Variants in ROBO1 observed in about 807,000 individuals in gnomAD.
ROBO1 encodes roundabout guidance receptor 1.
Under a neutral mutation model 195.9 loss-of-function variants are expected in ROBO1, and 149 were observed. The ratio of observed to expected loss-of-function variants is 0.76; its 90% CI spans 0.67 to 0.87. ROBO1 has a LOEUF of 0.87. Ranked by LOEUF, ROBO1 falls within the 40% of genes least tolerant of loss-of-function variation. ROBO1 has a pLI of 0.00. For synonymous variants in ROBO1, 816 were observed against 733.2 expected (o/e 1.11, Z -1.82); for missense variants, 1,933 against 2,068.3 (o/e 0.93, Z 1.27).
chr3:79,685,522 C>T (rs1484564624), intron 1 of ROBO1, among the ~76,000 whole-genome samples: 1 of 152,164 alleles, frequency 6.6e-6, no homozygotes, highest in Non-Finnish European at 1.5e-5. Flanking sequence ...GATTATTGCA[C>T]AACGTCCTGG....
chr3:78,724,341 G>A (rs1052670048), intron 5 of ROBO1, among the ~76,000 whole-genome samples: 19 of 151,908 alleles, frequency 1.3e-4, no homozygotes, highest in Middle Eastern at 3.4e-3. Context: ...GACCCTGATC[G>A]AATATAACAT....
intron 14 of ROBO1, among the ~76,000 whole-genome samples, chr3:78,663,918 A>G (rs957999708): frequency 6.6e-6 from 1 of 152,160 alleles, no homozygotes; most frequent in African/African-American, 2.4e-5. Context: ...AGTATCTTCA[A>G]ATACAGAAAT....
chr3:79,187,955 G>A (rs907048605), intron 2 of ROBO1, among the ~76,000 whole-genome samples: 1 of 151,910 alleles, frequency 6.6e-6, no homozygotes, highest in African/African-American at 2.4e-5. Flanking sequence ...AGGCAGGTCA[G>A]GATCCTCACT....
At chr3:78,925,803 T>C (rs117537365) in intron 4 of ROBO1, among the ~76,000 whole-genome samples, 2 of 151,766 alleles carry the variant, frequency 1.3e-5, no homozygotes. Flanking sequence ...GTGGTGGGTG[T>C]GGGAGGAGTG....
At chr3:78,819,715 C>T (rs957152153) in intron 4 of ROBO1, among the ~76,000 whole-genome samples, 8 of 152,082 alleles carry the variant, frequency 5.3e-5, no homozygotes, top group African/African-American at 1.9e-4. Context: ...TAAGGCAAGG[C>T]CTTCTACCAA....
intron 2 of ROBO1, among the ~76,000 whole-genome samples, chr3:79,455,633 C>T (rs2039595347): frequency 6.6e-6 from 1 of 152,062 alleles, no homozygotes; most frequent in African/African-American, 2.4e-5. Flanking sequence ...CAGGGAAGAA[C>T]TATTTGACTC....
At chr3:79,652,889 TA>T in intron 1 of ROBO1, among the ~76,000 whole-genome samples, 1 of 152,076 alleles carries the variant, frequency 6.6e-6, no homozygotes, top group East Asian at 1.9e-4. Context: ...TTCAAATGGA[TA>T]GCCATAAATA....
chr3:79,163,141 A>G (rs1056673966), intron 2 of ROBO1, among the ~76,000 whole-genome samples: 10 of 152,090 alleles, frequency 6.6e-5, no homozygotes, highest in Admixed American at 6.6e-4. Flanking sequence ...CATCTTAAAG[A>G]CTGAAATTCT....
chr3:78,746,831 T>C lies in ROBO1; in HGVS notation c.569A>G (p.Glu190Gly). The part of the protein sequence containing the change: ...MVAVGEPAVM[E>G]CQPPRGHPEP... ...AGGATGGCCTCGTGGAGGTTGGCAT[T>C]CCATTACTGCAGGCTCTCCTACTGC... is the stretch of plus-strand genomic sequence containing the variant. The change falls in exon 5 of 31, where the codon GAA becomes GGA. Residue 190 changes from glutamate to glycine, a missense_variant. Glu to Gly is a moderately conservative substitution (Grantham distance 98). Coordinates refer to ENST00000464233, the MANE Select transcript of ROBO1 (RefSeq NM_002941.4). 3 of 1,602,958 alleles carry C rather than the reference T, an allele frequency of 1.9e-6. No individual in the cohort carries two copies. Among genetic ancestry groups the C allele is most frequent in the Non-Finnish European group, 2.6e-6 (3 of 1,172,038 alleles).
Position 79,298,800 on chromosome 3 carries a change from T to C in ROBO1, c.89-173261A>G, listed in dbSNP as rs1321310442. On this transcript the variant is annotated intron_variant, in intron 2 of 30. Transcript: ENST00000464233. ...AGAAAAATAATTTGGATTTTATTTA[T>C]ATTACTGAAGGAATTTACTAATTGA... Among the ~76,000 whole-genome samples the C allele has an allele frequency of 7.9e-5, 12 of 152,280 alleles. No homozygotes were observed. In the East Asian group the frequency reaches 2.3e-3, roughly 29 times the overall value.
rs559564064 is a variant in ROBO1 at position 79,274,775 on chromosome 3, A to C, written c.89-149236T>G. ...GAAAAAAAGGGGTAAGACCAAAGTA[A>C]GTAAAATCCGAAATGATGAAGGAAA... On this transcript the variant is annotated intron_variant, in intron 2 of 30. Transcript: ENST00000464233. 5.3e-5 allele frequency among the ~76,000 whole-genome samples: 8 copies of C among 152,198 alleles called. No homozygotes were observed. The South Asian group carries it at 1.7e-3, about 32-fold the overall frequency.
At chr3:78,783,226 T>G (rs1393284800) in intron 4 of ROBO1, among the ~76,000 whole-genome samples, 1 of 152,178 alleles carries the variant, frequency 6.6e-6, no homozygotes, top group Admixed American at 6.5e-5. Context: ...TTTCCCATCA[T>G]CCACCTCCTC....
At chr3:79,425,178 A>G (rs1487433325) in intron 2 of ROBO1, among the ~76,000 whole-genome samples, 1 of 152,058 alleles carries the variant, frequency 6.6e-6, no homozygotes, top group Non-Finnish European at 1.5e-5. Context: ...TGCCCCTCAC[A>G]TTTTATTCAT....
intron 2 of ROBO1, among the ~76,000 whole-genome samples, chr3:79,586,185 C>G (rs1006742270): frequency 6.6e-6 from 1 of 151,756 alleles, no homozygotes; most frequent in African/African-American, 2.4e-5. Context: ...CATATGAAAG[C>G]AAAAACAAAA....
chr3:79,176,536 C>T (rs2081264387), intron 2 of ROBO1, among the ~76,000 whole-genome samples: 1 of 152,310 alleles, frequency 6.6e-6, no homozygotes, highest in South Asian at 2.1e-4. Context: ...CAGCTCACTG[C>T]AGCCTCTGCT....
At chr3:78,943,272 A>G (rs2040240784) in intron 3 of ROBO1, among the ~76,000 whole-genome samples, 1 of 152,156 alleles carries the variant, frequency 6.6e-6, no homozygotes, top group Admixed American at 6.5e-5. Flanking sequence ...GTCTAGAGAG[A>G]TGATGTACAG....
intron 2 of ROBO1, among the ~76,000 whole-genome samples, chr3:79,128,252 T>G (rs2080254126): frequency 6.6e-6 from 1 of 152,120 alleles, no homozygotes; most frequent in South Asian, 2.1e-4. Context: ...TGAAACAGGT[T>G]CAGCTGCAAT....
chr3:79,028,970 T>G (rs1175276273), intron 3 of ROBO1, among the ~76,000 whole-genome samples: 1 of 152,070 alleles, frequency 6.6e-6, no homozygotes, highest in Non-Finnish European at 1.5e-5. Context: ...TAGTTACCTT[T>G]GGAAAAAAGT....
chr3:79,277,915 A>G (rs1023042891), intron 2 of ROBO1, among the ~76,000 whole-genome samples: 1 of 152,058 alleles, frequency 6.6e-6, no homozygotes, highest in Admixed American at 6.5e-5. Flanking sequence ...GATCTTATAT[A>G]TAGAAAAACC....
Sources: gnomAD v4.1 joint callset for allele counts (sites outside exome capture counted in the v4.1 genomes callset) on GRCh38, gnomAD v4.1.1 for gene constraint, MANE v1.5 for transcripts, NCBI Gene and HGNC (gene_info 2026-07-23, HGNC 2026-07-21) for gene names.